The following PSMD8 variants were observed in gnomAD, a reference collection of about 807,000 sequenced individuals.
PSMD8 encodes proteasome 26S subunit, non-ATPase 8, also known as 26S proteasome non-ATPase regulatory subunit 8.
In PSMD8, 30 loss-of-function variants were observed where a neutral mutation model predicts 40.0. The observed-to-expected ratio is 0.75, with a 90% CI of 0.56 to 1.02. PSMD8 has a LOEUF of 1.02. PSMD8 is among the 50% of genes least tolerant of loss of function. PSMD8 has a pLI of 0.00. For synonymous variants in PSMD8, 208 were observed against 192.5 expected (o/e 1.08, Z -0.67); for missense variants, 461 against 463.9 (o/e 0.99, Z 0.06).
At position 38,380,893 on chromosome 19, in the gene PSMD8, C is replaced by A; in HGVS notation, c.703-6C>A. 1 of 1,564,526 alleles carries A rather than the reference C, an allele frequency of 6.4e-7. No individual in the cohort carries two copies. Among genetic ancestry groups the A allele is most frequent in the Non-Finnish European group, 8.7e-7 (1 of 1,153,322 alleles). On this transcript the variant is annotated splice_polypyrimidine_tract_variant and splice_region_variant and intron_variant, in intron 4 of 6. Coordinates refer to ENST00000215071, the MANE Select transcript of PSMD8 (RefSeq NM_002812.5). ...CTCTCTTCTTCCCCCTTCCCGGCTT[C>A]TGCAGTACCTGATGGAGGGCAGCTA...
At position 38,374,826 on chromosome 19, in the gene PSMD8, C is replaced by G; in HGVS notation, c.225C>G (p.Phe75Leu). ...CGGCGGTGAACGGGGCGGCAGGCTT[C>G]TCGAGCTCCGGGCCCGCGGCAACCT... ...AAAAVNGAAG[F>L]SSSGPAATSG... Residue 75 changes from phenylalanine (F) to leucine (L), a missense_variant, in exon 1 of 7, where the codon TTC (phenylalanine) becomes TTG (leucine). Transcript: ENST00000215071. 1.3e-6 allele frequency: 2 copies of G among 1,575,172 alleles called. No individual in the cohort carries two copies. The highest frequency in any genetic ancestry group is 8.6e-7 in the Non-Finnish European group (1 of 1,167,896).
intron 5 of PSMD8, 124 bp from the exon 6 acceptor site, chr19:38,381,993 C>G (rs1439013777): frequency 5.9e-6 from 4 of 676,758 alleles, no homozygotes; most frequent in Admixed American, 2.6e-5. Flanking sequence ...AAACAGGGCC[C>G]TTCACATATT....
chr19:38,382,915 A>T, intron 6 of PSMD8: 1 of 128,154 alleles, frequency 7.8e-6, no homozygotes, highest in Non-Finnish European at 1.7e-5. Context: ...CTGTCTGGGG[A>T]AAAAAAAAAA....
chr19:38,375,731 A>C (rs1313053342), intron 1 of PSMD8, among the ~76,000 whole-genome samples: 1 of 152,146 alleles, frequency 6.6e-6, no homozygotes, highest in Non-Finnish European at 1.5e-5. Context: ...GGCTTGGAAC[A>C]AGCTGCTGAG....
In PSMD8 at chr19:38,374,659, CG is replaced by C; in HGVS notation, c.62del (p.Gly21AlafsTer3). ...ACCTCGAGAGCGACGGCGGGCTACC[CG>C]GGGCGGGCTGAGGCAGGTTGTAGCC... ...APPRERRRATRGGLRQVVAPP... is the reference protein window; with the variant it reads ...APPRERRRATXGGLRQVVAPP... On this transcript the variant is annotated frameshift_variant, in exon 1 of 7. Transcript: ENST00000215071. LOFTEE classifies it high-confidence loss of function. 2.0e-6 allele frequency: 3 copies of C among 1,521,294 alleles called. No individual in the cohort carries two copies. The highest frequency in any genetic ancestry group is 8.8e-7 in the Non-Finnish European group (1 of 1,141,048). 94.2% of individuals were successfully genotyped at this position (1,521,294 alleles called of 1,614,324 possible). A position where few individuals can be genotyped will look rare whatever the true frequency, so the allele number is the denominator to read the frequency against.
At chr19:38,376,883 G>A (rs1400453793) in intron 3 of PSMD8, among the ~76,000 whole-genome samples, 1 of 152,150 alleles carries the variant, frequency 6.6e-6, no homozygotes, top group Admixed American at 6.5e-5. Context: ...ACACCCCTCT[G>A]CCTGTGCCTG....
chr19:38,382,964 C>A, intron 6 of PSMD8: 1 of 354,410 alleles, frequency 2.8e-6, no homozygotes, highest in African/African-American at 2.1e-5. Flanking sequence ...GTGATGGTGA[C>A]AGCTGGTAAC....
Position 38,379,288 on chromosome 19 carries a change from C to T in PSMD8, c.585C>T (p.Asn195=). Residue 195 remains asparagine, a synonymous_variant, in exon 4 of 7, where the codon AAC becomes AAT. Transcript: ENST00000215071. The stretch of plus-strand genomic sequence containing the variant: ...ATATGCACCAGCTCTTGGGCCTCAA[C>T]CTCCTCTTCCTGCTGTCCCAGAACC... ...SAYMHQLLGL[N]LLFLLSQNRV... The T allele has an allele frequency of 1.2e-6, 2 of 1,614,042 alleles. No homozygotes were observed. Among genetic ancestry groups the T allele is most frequent in the Non-Finnish European group, 8.5e-7 (1 of 1,179,904 alleles).
chr19:38,379,219 T>C (rs1970620642), intron 3 of PSMD8, 21 bp from the exon 4 acceptor site: 3 of 1,611,464 alleles, frequency 1.9e-6, no homozygotes, highest in Non-Finnish European at 2.5e-6. Flanking sequence ...CTTAACCTGC[T>C]TCCCCATCCC....
chr19:38,382,050 G>T (rs1170648301), intron 5 of PSMD8, 67 bp from the exon 6 acceptor site: 2 of 1,153,792 alleles, frequency 1.7e-6, no homozygotes, highest in Non-Finnish European at 2.5e-6. Flanking sequence ...CACATGTCAG[G>T]TCTGGGGGGA....
At chr19:38,380,016 A>G (rs1393850838) in intron 4 of PSMD8, among the ~76,000 whole-genome samples, 2 of 152,240 alleles carry the variant, frequency 1.3e-5, no homozygotes, top group Non-Finnish European at 2.9e-5. Context: ...GGCCGTGCAC[A>G]GTGGCTCACG....
intron 6 of PSMD8, chr19:38,382,473 G>A: frequency 1.8e-6 from 1 of 561,398 alleles, no homozygotes; most frequent in Non-Finnish European, 3.1e-6. Context: ...GTTGGCTGCT[G>A]TCTTTATCAA....
At position 38,374,785 on chromosome 19, in the gene PSMD8, C is replaced by A. The variant is rs1441187204; in HGVS notation, c.184C>A (p.Arg62Ser). 1.9e-6 allele frequency: 3 copies of A among 1,571,650 alleles called. No homozygotes were observed. The East Asian group carries it at 7.0e-5, about 37-fold the overall frequency. ...RKSGGLLAAS[R>S]KMAAAAVNGA... is the part of the protein sequence containing the mutation. ...ATCAGGCGGTCTGCTTGCCGCATCA[C>A]GCAAGATGGCGGCCGCGGCGGTGAA... Residue 62 changes from arginine (R) to serine (S), a missense_variant, in exon 1 of 7, where the codon CGC becomes AGC. This residue lies in a region of PSMD8 where 225 missense variants were observed against 142.7 expected (regional missense o/e 1.58). Coordinates refer to ENST00000215071, the MANE Select transcript of PSMD8 (RefSeq NM_002812.5).
At chr19:38,381,890 C>T (rs1970643394) in intron 5 of PSMD8, among the ~76,000 whole-genome samples, 1 of 151,980 alleles carries the variant, frequency 6.6e-6, no homozygotes, top group Admixed American at 6.6e-5. Context: ...GAGTGTGGGC[C>T]CAGGAGTCAG....
Position 38,376,246 on chromosome 19 carries a change from G to C in PSMD8, c.433+14G>C. ...TAATTCTGGCCCGTGAGTGTCACTG[G>C]GGTTGGTTGGGGGTGATAATCTGGG... On this transcript the variant is annotated intron_variant, in intron 2 of 6. Coordinates refer to ENST00000215071, the MANE Select transcript of PSMD8 (RefSeq NM_002812.5). The C allele has an allele frequency of 6.3e-7, 1 of 1,585,706 alleles. No individual in the cohort carries two copies.
At chr19:38,375,155 G>T in intron 1 of PSMD8, 194 bp downstream of exon 1, 1 of 948,074 alleles carries the variant, frequency 1.1e-6, no homozygotes, top group Admixed American at 2.9e-5. Flanking sequence ...AAGCGAGAGA[G>T]GGACAGGGAG....
rs1970661279 is a variant in PSMD8, at chr19:38,383,467, G to A, written c.*77G>A. 5.7e-6 allele frequency: 9 copies of A among 1,568,876 alleles called. No homozygotes were observed. Among genetic ancestry groups the A allele is most frequent in the Non-Finnish European group, 7.9e-6 (9 of 1,145,130 alleles). The stretch of plus-strand genomic sequence containing the variant: ...CTGCAGGGTTTCGCCCAATAAAGGT[G>A]GACTGACATTCCCTCTTCCAGGCCC... On this transcript the variant is annotated 3_prime_UTR_variant, in exon 7 of 7. Transcript: ENST00000215071.
rs1356013043 is a variant in PSMD8 at position 38,374,815 on chromosome 19, G to A, written c.214G>A (p.Ala72Thr). 3.8e-6 allele frequency: 6 copies of A among 1,574,452 alleles called. No homozygotes were observed. The highest frequency in any genetic ancestry group is 5.1e-6 in the Non-Finnish European group (6 of 1,167,078). The change falls in exon 1 of 7, where the codon GCG becomes ACG. Residue 72 changes from alanine (A) to threonine (T), a missense_variant. Ala to Thr is a moderately conservative substitution (Grantham distance 58). Transcript: ENST00000215071. ...RKMAAAAVNG[A>T]AGFSSSGPAA... Reference sequence around the variant, plus strand: ...GATGGCGGCCGCGGCGGTGAACGGGGCGGCAGGCTTCTCGAGCTCCGGGCC... The same window carrying A: ...GATGGCGGCCGCGGCGGTGAACGGGACGGCAGGCTTCTCGAGCTCCGGGCC...
intron 4 of PSMD8, among the ~76,000 whole-genome samples, chr19:38,380,091 C>T (rs1211102874): frequency 6.6e-6 from 1 of 152,210 alleles, no homozygotes; most frequent in East Asian, 1.9e-4. Flanking sequence ...AGTTCGAAAC[C>T]AGCCTGGCCA....
Sources: gnomAD v4.1 joint callset for allele counts (sites outside exome capture counted in the v4.1 genomes callset) on GRCh38, gnomAD v4.1.1 for gene constraint, gnomAD v4.1.1 regional missense constraint, MANE v1.5 for transcripts, NCBI Gene and HGNC (gene_info 2026-07-23, HGNC 2026-07-21) for gene names.